Variants in FGF4 observed in about 807,000 individuals in gnomAD.
FGF4 encodes the protein fibroblast growth factor 4.
Under a neutral mutation model 15.7 loss-of-function variants are expected in FGF4, and 9 were observed. The observed-to-expected ratio is 0.57, with a 90% CI of 0.35 to 1.00. The LOEUF (loss-of-function observed/expected upper bound fraction) is 1.00, where lower values mean the gene tolerates loss of function less well. FGF4 is among the 50% of genes least tolerant of loss of function. The pLI is 0.02. For synonymous variants in FGF4, 164 were observed against 144.8 expected, an observed-to-expected ratio of 1.13 and a Z score of -0.95; for missense variants, 286 against 297.3, an observed-to-expected ratio of 0.96 and a Z score of 0.28.
chr11:69,774,253 G>C (rs887458095), intron 1 of FGF4, 126 bp from the exon 2 acceptor site: 1 of 767,242 alleles, frequency 1.3e-6, no homozygotes, highest in African/African-American at 1.7e-5. Context: ...GGTTCCCGGC[G>C]CAGCCGCCCC....
rs768819738 is a variant in FGF4 at position 69,771,341 on chromosome 11, CAT to C, written c.*1966_*1967del. The C allele has an allele frequency of 6.6e-6, 1 of 152,216 alleles. No individual in the cohort carries two copies. Among genetic ancestry groups the C allele is most frequent in the Non-Finnish European group, 1.5e-5 (1 of 68,034 alleles). 9.4% of individuals were successfully genotyped at this position (152,216 alleles called of 1,614,324 possible). A position where few individuals can be genotyped will look rare whatever the true frequency, so the allele number is the denominator to read the frequency against. ...TGGTCAAGGGTGATCAAACCTAACA[CAT>C]GTTAATTCCTGACAATCTGATTGGG... is the stretch of plus-strand genomic sequence containing the variant. On this transcript the variant is annotated 3_prime_UTR_variant, in exon 3 of 3. Coordinates refer to ENST00000168712, the MANE Select transcript of FGF4 (RefSeq NM_002007.4).
chr11:69,772,276 C>G lies in FGF4; in HGVS notation c.*1033G>C, dbSNP rs1422708470. The G allele has an allele frequency of 1.3e-5, 2 of 152,190 alleles. No homozygotes were observed. Among genetic ancestry groups the G allele is most frequent in the African/African-American group, 2.4e-5 (1 of 41,438 alleles). The allele number at this position is 152,190 out of a possible 1,614,324, so 9.4% of individuals were successfully genotyped here. ...GAGGTAGATGTTAAACGCACTTAAA[C>G]AGGGAATGCATCAGAAAGCAGCAGG... On this transcript the variant is annotated 3_prime_UTR_variant, in exon 3 of 3. Transcript: ENST00000168712.
intron 2 of FGF4, 125 bp downstream of exon 2, chr11:69,773,899 C>T (rs1379314700): frequency 5.5e-6 from 4 of 732,880 alleles, no homozygotes; most frequent in Admixed American, 2.8e-5. Flanking sequence ...CTGCCGGTCC[C>T]GTGACCTGGT....
Position 69,774,854 on chromosome 11 carries a change from C to G in FGF4, c.231G>C (p.Leu77=). 1 of 1,516,240 alleles carries G rather than the reference C, an allele frequency of 6.6e-7. No individual in the cohort carries two copies. The highest frequency in any genetic ancestry group is 8.8e-7 in the Non-Finnish European group (1 of 1,140,686). The allele number at this position is 1,516,240 out of a possible 1,614,324, so 93.9% of individuals were successfully genotyped here. A position where few individuals can be genotyped will look rare whatever the true frequency, so the allele number is the denominator to read the frequency against. ...AAVQSGAGDY[L]LGIKRLRRLY... ...GCCGCCGCAGCCGCTTGATGCCCAG[C>G]AGGTAGTCGCCGGCGCCGCTCTGGA... is the stretch of plus-strand genomic sequence containing the variant. The change falls in exon 1 of 3, where the codon CTG becomes CTC. Residue 77 remains leucine (L), a synonymous_variant. Transcript: ENST00000168712.
At position 69,775,089 on chromosome 11, in the gene FGF4, G is replaced by A. The variant is rs763509446; in HGVS notation, c.-5C>T. 1 of 1,318,160 alleles carries A rather than the reference G, an allele frequency of 7.6e-7. No individual in the cohort carries two copies. Among genetic ancestry groups the A allele is most frequent in the Non-Finnish European group, 9.6e-7 (1 of 1,042,244 alleles). 81.7% of individuals were successfully genotyped at this position (1,318,160 alleles called of 1,614,324 possible). A position where few individuals can be genotyped will look rare whatever the true frequency, so the allele number is the denominator to read the frequency against. ...GGCCGTCCCGGGCCCCGACATCCCG[G>A]CCCGAGGGCCGTGCGTCGGTCAGGC... On this transcript the variant is annotated 5_prime_UTR_variant, in exon 1 of 3. Coordinates refer to ENST00000168712, the MANE Select transcript of FGF4 (RefSeq NM_002007.4).
chr11:69,773,236 A>G lies in FGF4; in HGVS notation c.*73T>C. On this transcript the variant is annotated 3_prime_UTR_variant, in exon 3 of 3. Transcript: ENST00000168712. ...TGCATTAAACTCTTCATCCGAAGAA[A>G]GTGCACCAAGGTGACCCTCGGCACT... 1.6e-6 allele frequency: 2 copies of G among 1,278,588 alleles called. No individual in the cohort carries two copies. The highest frequency in any genetic ancestry group is 2.2e-6 in the Non-Finnish European group (2 of 893,552). 79.2% of individuals were successfully genotyped at this position (1,278,588 alleles called of 1,614,324 possible).
In FGF4 at chr11:69,773,181, T is replaced by C; in HGVS notation, c.*128A>G. On this transcript the variant is annotated 3_prime_UTR_variant, in exon 3 of 3. Transcript: ENST00000168712. ...TGGTGGCAATATATACACATTTAAA[T>C]AATTAATTTAAATATCTTACACCTA... The C allele has an allele frequency of 4.5e-6, 3 of 671,104 alleles. No homozygotes were observed. Among genetic ancestry groups the C allele is most frequent in the Non-Finnish European group, 7.6e-6 (3 of 394,392 alleles). The allele number at this position is 671,104 out of a possible 1,614,324, so 41.6% of individuals were successfully genotyped here.
At position 69,773,081 on chromosome 11, in the gene FGF4, CA is replaced by C; in HGVS notation, c.*227del. ...TTCTCCACTGTTGCACCAGAAAAGT[CA>C]GAGTTGGTTTTTTGTTTTGTCTTTT... On this transcript the variant is annotated 3_prime_UTR_variant, in exon 3 of 3. Coordinates refer to ENST00000168712, the MANE Select transcript of FGF4 (RefSeq NM_002007.4). The C allele has an allele frequency of 2.1e-6, 1 of 476,906 alleles. No homozygotes were observed. The allele number at this position is 476,906 out of a possible 1,614,324, so 29.5% of individuals were successfully genotyped here. A position where few individuals can be genotyped will look rare whatever the true frequency, so the allele number is the denominator to read the frequency against.
chr11:69,774,196 C>T (rs993277892), intron 1 of FGF4, 69 bp from the exon 2 acceptor site: 2 of 1,269,798 alleles, frequency 1.6e-6, no homozygotes, highest in Admixed American at 2.0e-5. Flanking sequence ...GGCTTGTTCG[C>T]CTCCGGGGAC....
In FGF4 at chr11:69,771,991, T is replaced by C. The variant is rs1238697340; in HGVS notation, c.*1318A>G. On this transcript the variant is annotated 3_prime_UTR_variant, in exon 3 of 3. Transcript: ENST00000168712. ...TGACAGGGGTTACATTTGTAAAATA[T>C]ATAAAGAAAAATATAAGGTTACTTG... The C allele has an allele frequency of 2.6e-5, 4 of 152,170 alleles. No homozygotes were observed. The highest frequency in any genetic ancestry group is 9.7e-5 in the African/African-American group (4 of 41,428). 9.4% of individuals were successfully genotyped at this position (152,170 alleles called of 1,614,324 possible). A position where few individuals can be genotyped will look rare whatever the true frequency, so the allele number is the denominator to read the frequency against.
At chr11:69,774,229 G>A in intron 1 of FGF4, 102 bp from the exon 2 acceptor site, 1 of 965,746 alleles carries the variant, frequency 1.0e-6, no homozygotes, top group South Asian at 1.5e-5. Flanking sequence ...GTGGGGTTGG[G>A]GATAAAGGGC....
At position 69,774,979 on chromosome 11, in the gene FGF4, T is replaced by C; in HGVS notation, c.106A>G (p.Asn36Asp). Reference protein sequence around the residue: ...RGGAAAPTAPNGTLEAELERR... With the variant: ...RGGAAAPTAPDGTLEAELERR... ...TCCAGCTCGGCCTCCAGCGTGCCGT[T>C]GGGTGCAGTGGGTGCGGCGGCGCCC... The change falls in exon 1 of 3, where the codon AAC becomes GAC. Residue 36 changes from asparagine to aspartate, a missense_variant. By Grantham distance (23) the Asn-to-Asp change is conservative. Transcript: ENST00000168712. 4 of 1,467,174 alleles carry C rather than the reference T, an allele frequency of 2.7e-6. No individual in the cohort carries two copies. The highest frequency in any genetic ancestry group is 3.6e-6 in the Non-Finnish European group (4 of 1,117,216). 90.9% of individuals were successfully genotyped at this position (1,467,174 alleles called of 1,614,324 possible).
chr11:69,773,607 G>A, intron 2 of FGF4, 122 bp from the exon 3 acceptor site: 1 of 931,732 alleles, frequency 1.1e-6, no homozygotes, highest in African/African-American at 1.6e-5. Context: ...TGTCTCTGCT[G>A]AGCAGTTAAG....
Position 69,773,385 on chromosome 11 carries a change from C to G in FGF4, c.545G>C (p.Ser182Thr). Reference sequence around the variant, plus strand: ...CCCCTTCTTGGTCTTCCCATTCTTGCTCAGGGCGATGAACATGCCGGGGTA... The same window carrying G: ...CCCCTTCTTGGTCTTCCCATTCTTGGTCAGGGCGATGAACATGCCGGGGTA... ...YKYPGMFIALSKNGKTKKGNR... is the reference protein window; with the variant it reads ...YKYPGMFIALTKNGKTKKGNR... Residue 182 changes from serine (S) to threonine (T), a missense_variant, in exon 3 of 3, where the codon AGC (serine) becomes ACC (threonine). By Grantham distance (58) the Ser-to-Thr change is moderately conservative. Coordinates refer to ENST00000168712, the MANE Select transcript of FGF4 (RefSeq NM_002007.4). 1 of 1,614,162 alleles carries G rather than the reference C, an allele frequency of 6.2e-7. No homozygotes were observed. The highest frequency in any genetic ancestry group is 8.5e-7 in the Non-Finnish European group (1 of 1,180,030).
rs1855572014 is a variant in FGF4, at chr11:69,771,815, G to T, written c.*1494C>A. Reference sequence around the variant, plus strand: ...AGAAACATCCTAGGAGAGTATTAAAGTCTTGACGAAACATTCGGAGCATTT... The same window carrying T: ...AGAAACATCCTAGGAGAGTATTAAATTCTTGACGAAACATTCGGAGCATTT... On this transcript the variant is annotated 3_prime_UTR_variant, in exon 3 of 3. Transcript: ENST00000168712. 1 of 152,172 alleles carries T rather than the reference G, an allele frequency of 6.6e-6. No individual in the cohort carries two copies. Among genetic ancestry groups the T allele is most frequent in the Admixed American group, 6.5e-5 (1 of 15,272 alleles). 9.4% of individuals were successfully genotyped at this position (152,172 alleles called of 1,614,324 possible).
intron 1 of FGF4, among the ~76,000 whole-genome samples, 162 bp downstream of exon 1, chr11:69,774,583 G>C (rs750680069): frequency 6.6e-6 from 1 of 152,128 alleles, no homozygotes; most frequent in East Asian, 1.9e-4. Context: ...GAGTGTCTGC[G>C]TCCCCAGCCC....
In FGF4 at chr11:69,773,406, GGGTACTTGTAGGACTC is replaced by G. The variant is rs1418208903; in HGVS notation, c.508_523del (p.Glu170ProfsTer7). The G allele has an allele frequency of 1.2e-6, 2 of 1,614,140 alleles. No individual in the cohort carries two copies. Among genetic ancestry groups the G allele is most frequent in the Non-Finnish European group, 1.7e-6 (2 of 1,180,014 alleles). ...CTTGCTCAGGGCGATGAACATGCCG[GGGTACTTGTAGGACTC>G]GTAGGCGTTGTAGTTGTTGGGAAGG... On this transcript the variant is annotated frameshift_variant, in exon 3 of 3. Coordinates refer to ENST00000168712, the MANE Select transcript of FGF4 (RefSeq NM_002007.4). LOFTEE classifies it high-confidence loss of function.
intron 1 of FGF4, 128 bp from the exon 2 acceptor site, chr11:69,774,255 A>T: frequency 2.6e-6 from 2 of 756,376 alleles, no homozygotes; most frequent in Non-Finnish European, 4.2e-6. Context: ...TTCCCGGCGC[A>T]GCCGCCCCCA....
In FGF4 at chr11:69,774,977, GTTGGGTGCA is replaced by G. The variant is rs979841884; in HGVS notation, c.99_107del (p.Ala34_Asn36del). 1.4e-6 allele frequency: 2 copies of G among 1,474,642 alleles called. No homozygotes were observed. Among genetic ancestry groups the G allele is most frequent in the African/African-American group, 2.9e-5 (2 of 68,080 alleles). The allele number at this position is 1,474,642 out of a possible 1,614,324, so 91.3% of individuals were successfully genotyped here. ...GCTCCAGCTCGGCCTCCAGCGTGCC[GTTGGGTGCA>G]GTGGGTGCGGCGGCGCCCCCTCGGC... is the stretch of plus-strand genomic sequence containing the variant. On this transcript the variant is annotated inframe_deletion, in exon 1 of 3. Transcript: ENST00000168712.
Sources: gnomAD v4.1 joint callset for allele counts (sites outside exome capture counted in the v4.1 genomes callset) on GRCh38, gnomAD v4.1.1 for gene constraint, MANE v1.5 for transcripts, NCBI Gene and HGNC (gene_info 2026-07-23, HGNC 2026-07-21) for gene names.